ZNF609: variants seen among roughly 807,000 people sequenced by gnomAD.
ZNF609 encodes the protein zinc finger protein 609.
In ZNF609, 11 loss-of-function variants were observed where a neutral mutation model predicts 109.5. The observed-to-expected ratio is 0.10, with a 90% CI of 0.06 to 0.17. The LOEUF (loss-of-function observed/expected upper bound fraction) is 0.17. ZNF609 is among the 10% of genes least tolerant of loss of function. The pLI is 1.00. For synonymous variants in ZNF609, 646 were observed against 662.0 expected (o/e 0.98, Z 0.37); for missense variants, 1,559 against 1,772.4 (o/e 0.88, Z 2.16).
intron 2 of ZNF609, among the ~76,000 whole-genome samples, chr15:64,528,171 C>T (rs527367741): frequency 7.3e-5 from 11 of 151,384 alleles, no homozygotes; most frequent in Non-Finnish European, 1.3e-4. Flanking sequence ...GATCTCGGCT[C>T]ACTGCAACCT....
intron 2 of ZNF609, among the ~76,000 whole-genome samples, chr15:64,621,467 C>T (rs116969681): frequency 4.6e-5 from 7 of 152,212 alleles, no homozygotes; most frequent in Middle Eastern, 3.4e-3. Flanking sequence ...CTCCCACCTC[C>T]GCTTCTGGAG....
In ZNF609 at chr15:64,500,157, G is replaced by C; in HGVS notation, c.738G>C (p.Lys246Asn). The change falls in exon 2 of 10, where the codon AAG becomes AAC. Residue 246 changes from lysine (K) to asparagine (N), a missense_variant. Lys to Asn is a moderately conservative substitution (Grantham distance 94, BLOSUM62 0). This residue lies in a region of ZNF609 where 291 missense variants were observed against 317.8 expected (regional missense o/e 0.92). Transcript: ENST00000326648. ...AGTGTCGCCTGCTAAAGAAAGTCAA[G>C]TCTGAAAAGGTAAGAGGTGGCCAGA... is the stretch of plus-strand genomic sequence containing the variant. ...ENECRLLKKVKSEKMESPVST... is the reference protein window; with the variant it reads ...ENECRLLKKVNSEKMESPVST... The C allele has an allele frequency of 1.2e-6, 2 of 1,613,192 alleles. No homozygotes were observed. The highest frequency in any genetic ancestry group is 1.7e-6 in the Non-Finnish European group (2 of 1,179,976).
At chr15:64,460,976 G>C (rs1286186839) in intron 1 of ZNF609, 138 bp downstream of exon 1, 8 of 99,188 alleles carry the variant, frequency 8.1e-5, no homozygotes, top group African/African-American at 2.0e-4. Context: ...GGTTGGGGGG[G>C]CTGGGGCGGA....
chr15:64,680,515 A>G (rs755093493), intron 7 of ZNF609, 131 bp from the exon 8 acceptor site: 13 of 1,269,138 alleles, frequency 1.0e-5, no homozygotes, highest in East Asian at 4.7e-5. Context: ...ATTCTTAGGT[A>G]TCTTGCACTT....
At position 64,680,673 on chromosome 15, in the gene ZNF609, G is replaced by C; in HGVS notation, c.3973G>C (p.Asp1325His). 1 of 1,605,818 alleles carries C rather than the reference G, an allele frequency of 6.2e-7. No homozygotes were observed. Among genetic ancestry groups the C allele is most frequent in the Non-Finnish European group, 8.5e-7 (1 of 1,175,728 alleles). The change falls in exon 8 of 10, where the codon GAT becomes CAT. Residue 1325 changes from aspartate (D) to histidine (H), a missense_variant. By Grantham distance (81) the Asp-to-His change is moderately conservative. Around this residue, in one of 4 missense-constraint regions of ZNF609, gnomAD observed 1,204 missense variants for 1,314.1 expected, o/e 0.92. Transcript: ENST00000326648. ...TISDKTSQER[D>H]RGGCGVVGGG... ...AAGTGATAAAACTTCTCAGGAGAGA[G>C]ATCGAGGAGGCTGTGGGGTGGTTGG...
chr15:64,569,456 TG>T (rs886928342), intron 2 of ZNF609, among the ~76,000 whole-genome samples: 1 of 152,220 alleles, frequency 6.6e-6, no homozygotes, highest in African/African-American at 2.4e-5. Context: ...GAAAACCTCC[TG>T]GGGACAATTT....
At chr15:64,627,570 C>T (rs897960372) in intron 3 of ZNF609, among the ~76,000 whole-genome samples, 1 of 151,918 alleles carries the variant, frequency 6.6e-6, no homozygotes, top group Non-Finnish European at 1.5e-5. Context: ...TGGAAAAATC[C>T]CTTAATTTTC....
intron 2 of ZNF609, among the ~76,000 whole-genome samples, chr15:64,559,708 A>G (rs1254883176): frequency 6.6e-6 from 1 of 152,184 alleles, no homozygotes; most frequent in Non-Finnish European, 1.5e-5. Context: ...AACATAGAAC[A>G]TGTCTGTTTT....
intron 2 of ZNF609, among the ~76,000 whole-genome samples, chr15:64,541,851 A>G (rs958658957): frequency 2.0e-5 from 3 of 151,246 alleles, no homozygotes; most frequent in Admixed American, 6.6e-5. Flanking sequence ...AAAAAAAAAA[A>G]AAAAAAAAAA....
At chr15:64,550,805 C>G (rs908695135) in intron 2 of ZNF609, among the ~76,000 whole-genome samples, 1 of 149,536 alleles carries the variant, frequency 6.7e-6, no homozygotes, top group Non-Finnish European at 1.5e-5. Flanking sequence ...CCACTGCACT[C>G]CAGCCTGGGT....
At chr15:64,461,101 C>G (rs1379692873) in intron 1 of ZNF609, among the ~76,000 whole-genome samples, 1 of 149,770 alleles carries the variant, frequency 6.7e-6, no homozygotes, top group Non-Finnish European at 1.5e-5. Context: ...GGTAGGGGTG[C>G]CCGGGAGGGG....
chr15:64,671,281 C>T (rs1896726956), intron 4 of ZNF609: 1 of 147,636 alleles, frequency 6.8e-6, no homozygotes, highest in Admixed American at 6.8e-5. Flanking sequence ...TTCAGTGGTA[C>T]ATATACTAAA....
chr15:64,477,230 T>A (rs545958859), intron 1 of ZNF609, among the ~76,000 whole-genome samples: 17 of 143,636 alleles, frequency 1.2e-4, no homozygotes, highest in African/African-American at 4.3e-4. Flanking sequence ...AAGCTCTGCC[T>A]CCCCGGTTCA....
At chr15:64,463,152 C>T (rs1279095384) in intron 1 of ZNF609, among the ~76,000 whole-genome samples, 1 of 152,076 alleles carries the variant, frequency 6.6e-6, no homozygotes, top group African/African-American at 2.4e-5. Flanking sequence ...CCCAGCTACT[C>T]AGGAGGCTGA....
chr15:64,514,887 T>A (rs1893784429), intron 2 of ZNF609, among the ~76,000 whole-genome samples: 1 of 152,170 alleles, frequency 6.6e-6, no homozygotes, highest in African/African-American at 2.4e-5. Flanking sequence ...TCCTTCCGCC[T>A]TAGCCTCCCA....
chr15:64,592,755 TA>T (rs34625066), intron 2 of ZNF609, among the ~76,000 whole-genome samples: 10,543 of 134,226 alleles, frequency 0.079, 930 homozygotes, highest in African/African-American at 0.22. Flanking sequence ...CATTTCTACT[TA>T]AAAAAAAAAA....
intron 1 of ZNF609, among the ~76,000 whole-genome samples, chr15:64,487,341 G>A (rs1893346781): frequency 6.6e-6 from 1 of 152,078 alleles, no homozygotes; most frequent in Non-Finnish European, 1.5e-5. Flanking sequence ...CTATGTTATA[G>A]CAAGACAATT....
intron 2 of ZNF609, among the ~76,000 whole-genome samples, chr15:64,618,327 G>A (rs1188693726): frequency 1.3e-5 from 2 of 152,168 alleles, no homozygotes; most frequent in Non-Finnish European, 1.5e-5. Flanking sequence ...GACCTGTAGG[G>A]TAACATACAG....
At chr15:64,666,668 C>T (rs147436158) in intron 3 of ZNF609, among the ~76,000 whole-genome samples, 3,933 of 151,818 alleles carry the variant, frequency 0.026, 61 homozygotes, top group South Asian at 0.056. Context: ...CCCACCACCA[C>T]GCCCAGCTAA....
Sources: allele counts gnomAD v4.1 joint callset (sites outside exome capture counted in the v4.1 genomes callset), GRCh38; gene constraint gnomAD v4.1.1; regional missense constraint gnomAD v4.1.1; transcripts MANE v1.5; gene names NCBI Gene and HGNC (gene_info 2026-07-23, HGNC 2026-07-21).